RBMS2: variants seen among roughly 807,000 people sequenced by gnomAD.
RBMS2 encodes the protein RNA-binding motif, single-stranded-interacting protein 2.
A neutral mutation model predicts 58.4 loss-of-function variants in RBMS2; 38 were observed. The observed-to-expected ratio is 0.65, with a 90% confidence interval of 0.50 to 0.85. The LOEUF is 0.85. Ranked by LOEUF, RBMS2 falls within the 40% of genes least tolerant of loss-of-function variation. The pLI is 0.00. For synonymous variants in RBMS2, 151 were observed against 180.7 expected, an observed-to-expected ratio of 0.84 and a Z score of 1.32; for missense variants, 367 against 503.7, an observed-to-expected ratio of 0.73 and a Z score of 2.60.
At chr12:56,531,816 C>CAAA (rs58967351) in intron 1 of RBMS2, among the ~76,000 whole-genome samples, 2 of 88,306 alleles carry the variant, frequency 2.3e-5, no homozygotes, top group Non-Finnish European at 4.7e-5. Flanking sequence ...GATTCCATTT[C>CAAA]AAAAAAAAAA....
chr12:56,553,710 A>G (rs1878706842), intron 1 of RBMS2, among the ~76,000 whole-genome samples: 1 of 151,612 alleles, frequency 6.6e-6, no homozygotes, highest in African/African-American at 2.4e-5. Context: ...CAAGTGATCC[A>G]CCCGCCTTGG....
upstream of RBMS2, among the ~76,000 whole-genome samples, chr12:56,521,317 C>T (rs895785525): frequency 6.6e-6 from 1 of 151,520 alleles, no homozygotes; most frequent in South Asian, 2.1e-4. Context: ...GTAATCCCAG[C>T]TACTCGAGAG....
chr12:56,539,950 TTTCTGGAATGATCTCTTTCA>T (rs1241934905), intron 1 of RBMS2, among the ~76,000 whole-genome samples: 1 of 152,202 alleles, frequency 6.6e-6, no homozygotes, highest in Non-Finnish European at 1.5e-5. Flanking sequence ...GTGCTCCCTC[TTTCTGGAATGATCTCTTTCA>T]TTCTCCGAAT....
intron 1 of RBMS2, 34 bp from the exon 2 acceptor site, chr12:56,562,383 A>G: frequency 6.4e-7 from 1 of 1,555,554 alleles, no homozygotes; most frequent in Admixed American, 1.7e-5. Context: ...GTAAATGGAT[A>G]ATCCTTCTAC....
intron 1 of RBMS2, among the ~76,000 whole-genome samples, chr12:56,546,393 G>A (rs1211334491): frequency 4.3e-5 from 6 of 140,852 alleles, no homozygotes; most frequent in African/African-American, 1.6e-4. Flanking sequence ...AAAATATAAT[G>A]TATAATATAT....
upstream of RBMS2, among the ~76,000 whole-genome samples, chr12:56,520,653 T>C (rs1461345947): frequency 6.6e-6 from 1 of 152,182 alleles, no homozygotes; most frequent in Non-Finnish European, 1.5e-5. Flanking sequence ...TGCAACTCTA[T>C]TAGGTTCTTG....
chr12:56,522,825 C>G (rs2136220244), intron 1 of RBMS2, among the ~76,000 whole-genome samples: 1 of 152,228 alleles, frequency 6.6e-6, no homozygotes, highest in Non-Finnish European at 1.5e-5. Context: ...ACAATCTTGT[C>G]CATATTTGAC....
upstream of RBMS2, among the ~76,000 whole-genome samples, chr12:56,521,663 AT>A (rs916121093): frequency 6.6e-6 from 1 of 151,744 alleles, no homozygotes; most frequent in Non-Finnish European, 1.5e-5. Context: ...AAGGGGATAA[AT>A]TTGAAAGGGG....
chr12:56,579,588 C>T (rs965861429), intron 5 of RBMS2, among the ~76,000 whole-genome samples: 6 of 149,956 alleles, frequency 4.0e-5, no homozygotes, highest in African/African-American at 7.4e-5. Context: ...GAGCCGAGAT[C>T]GCGCCACTGC....
intron 1 of RBMS2, among the ~76,000 whole-genome samples, chr12:56,539,101 C>T (rs528523064): frequency 3.3e-5 from 5 of 151,834 alleles, no homozygotes; most frequent in Admixed American, 2.6e-4. Flanking sequence ...CTGCAACCTC[C>T]GCCTCCCAGG....
chr12:56,576,255 T>G (rs1883113962), intron 5 of RBMS2, among the ~76,000 whole-genome samples: 1 of 152,098 alleles, frequency 6.6e-6, no homozygotes, highest in Admixed American at 6.6e-5. Context: ...TAGAATTGCT[T>G]GAACCTGAGA....
chr12:56,585,812 C>T (rs751411950), intron 9 of RBMS2, among the ~76,000 whole-genome samples: 8 of 152,216 alleles, frequency 5.3e-5, no homozygotes, highest in Admixed American at 2.0e-4. Context: ...ACTGCCAAAG[C>T]ATTTTCCAGA....
chr12:56,572,288 CAA>C (rs34385329), intron 5 of RBMS2, among the ~76,000 whole-genome samples: 2,499 of 73,022 alleles, frequency 0.034, 45 homozygotes, highest in African/African-American at 0.1. Flanking sequence ...GACTCTGTCT[CAA>C]AAAAAAAAAA....
rs1565766040 is a variant in RBMS2, at chr12:56,569,929, C to T, written c.323C>T (p.Ser108Leu). 3.7e-6 allele frequency: 6 copies of T among 1,613,858 alleles called. No individual in the cohort carries two copies. In the South Asian group the frequency reaches 4.4e-5, roughly 12 times the overall value. Reference protein sequence around the residue: ...GYGFVDFDSPSAAQKAVTALK... With the variant: ...GYGFVDFDSPLAAQKAVTALK... ...GGCTTTGTAGATTTTGACAGCCCTT[C>T]AGCAGCACAGAAAGCTGTAACAGCA... is the stretch of plus-strand genomic sequence containing the variant. Residue 108 changes from serine to leucine, a missense_variant, in exon 4 of 14, where the codon TCA becomes TTA. By Grantham distance (145) the Ser-to-Leu change is moderately radical (BLOSUM62 -2). Around this residue, in one of 3 missense-constraint regions of RBMS2, gnomAD observed 93 missense variants for 132.2 expected, o/e 0.70. Coordinates refer to ENST00000262031, the MANE Select transcript of RBMS2 (RefSeq NM_002898.4).
chr12:56,576,936 G>A (rs974680011), intron 5 of RBMS2, among the ~76,000 whole-genome samples: 1 of 151,086 alleles, frequency 6.6e-6, no homozygotes, highest in South Asian at 2.1e-4. Flanking sequence ...AGCTACTTAG[G>A]AGGCTGAGGT....
chr12:56,555,395 G>A (rs1015027949), intron 1 of RBMS2, among the ~76,000 whole-genome samples: 14 of 148,734 alleles, frequency 9.4e-5, no homozygotes, highest in African/African-American at 3.2e-4. Context: ...ATACAAGATC[G>A]CGCCATTGTA....
intron 1 of RBMS2, among the ~76,000 whole-genome samples, chr12:56,546,002 T>C (rs1035641868): frequency 2.0e-5 from 3 of 150,818 alleles, no homozygotes; most frequent in African/African-American, 7.3e-5. Context: ...AGTGGCACAA[T>C]CTTGGCTCAC....
intron 1 of RBMS2, among the ~76,000 whole-genome samples, chr12:56,559,482 G>A (rs879448646): frequency 1.2e-4 from 18 of 149,062 alleles, no homozygotes; most frequent in African/African-American, 3.7e-4. Context: ...CACCGTGCCC[G>A]GCCAAGAAGG....
At chr12:56,576,543 A>AG (rs1883157455) in intron 5 of RBMS2, among the ~76,000 whole-genome samples, 2 of 152,064 alleles carry the variant, frequency 1.3e-5, no homozygotes, top group South Asian at 2.1e-4. Flanking sequence ...CCTGAGGATA[A>AG]GGGGGGACTA....
Sources: gnomAD v4.1 joint callset for allele counts (sites outside exome capture counted in the v4.1 genomes callset) on GRCh38, gnomAD v4.1.1 for gene constraint, gnomAD v4.1.1 regional missense constraint, MANE v1.5 for transcripts, NCBI Gene and HGNC (gene_info 2026-07-23, HGNC 2026-07-21) for gene names.